ANO4: variants seen among roughly 807,000 people sequenced by gnomAD.
ANO4 encodes anoctamin 4, also known as anoctamin-4.
Under a neutral mutation model 141.9 loss-of-function variants are expected in ANO4, and 69 were observed. The observed-to-expected ratio is 0.49, with a 90% CI of 0.40 to 0.59. ANO4 has a LOEUF of 0.59. ANO4 is among the 20% of genes least tolerant of loss of function. The pLI is 0.00. For missense variants in ANO4, 894 were observed against 1,162.2 expected (o/e 0.77, Z 3.36); for synonymous variants, 350 against 394.3 (o/e 0.89, Z 1.33).
At chr12:100,883,767 T>C (rs1177810684) in intron 1 of ANO4, among the ~76,000 whole-genome samples, 3 of 152,230 alleles carry the variant, frequency 2.0e-5, no homozygotes, top group Non-Finnish European at 4.4e-5. Flanking sequence ...GGAAGCAATG[T>C]TGACAAAACA....
upstream of ANO4, chr12:100,794,743 A>C (rs1294148780): frequency 6.6e-6 from 1 of 152,100 alleles, no homozygotes; most frequent in Non-Finnish European, 1.5e-5. Flanking sequence ...CCTGGGCGTG[A>C]TGCTCTGAGA....
At chr12:101,066,441 C>T (rs1167639947) in intron 14 of ANO4, among the ~76,000 whole-genome samples, 1 of 152,200 alleles carries the variant, frequency 6.6e-6, no homozygotes, top group Non-Finnish European at 1.5e-5. Context: ...ATACAAAAAT[C>T]AGTAGCATTT....
intron 1 of ANO4, among the ~76,000 whole-genome samples, chr12:100,872,899 C>T (rs574221532): frequency 6.6e-6 from 1 of 152,226 alleles, no homozygotes; most frequent in Non-Finnish European, 1.5e-5. Context: ...GGAGGAGGGG[C>T]CTAGTGGGAG....
intron 1 of ANO4, among the ~76,000 whole-genome samples, chr12:100,811,429 G>A (rs1431037713): frequency 6.6e-6 from 1 of 152,166 alleles, no homozygotes; most frequent in African/African-American, 2.4e-5. Flanking sequence ...ATCAGGTGAT[G>A]TTATATAATG....
rs556586604 is a variant in ANO4, at chr12:101,020,231, G to A, written c.841+91G>A. On this transcript the variant is annotated intron_variant, in intron 9 of 27. Transcript: ENST00000392977. Reference sequence around the variant, plus strand: ...TTTTATTAAGTTTGTATCAATTCTAGCAATGCTTGTCACTTATAAAACCCC... The same window carrying A: ...TTTTATTAAGTTTGTATCAATTCTAACAATGCTTGTCACTTATAAAACCCC... 14 of 859,318 alleles carry A rather than the reference G, an allele frequency of 1.6e-5. No individual in the cohort carries two copies. The African/African-American group carries it at 2.1e-4, about 13-fold the overall frequency. The allele number at this position is 859,318 out of a possible 1,614,324, so 53.2% of individuals were successfully genotyped here.
chr12:100,997,603 G>C (rs532584276), intron 8 of ANO4, among the ~76,000 whole-genome samples: 49 of 152,208 alleles, frequency 3.2e-4, no homozygotes, highest in Admixed American at 2.9e-3. Context: ...GGAAAAAGTA[G>C]GCTCAGATTT....
At chr12:101,084,255 C>G (rs114003993) in intron 16 of ANO4, among the ~76,000 whole-genome samples, 1 of 152,142 alleles carries the variant, frequency 6.6e-6, no homozygotes, top group African/African-American at 2.4e-5. Context: ...GTAAGTAAAA[C>G]AGTGCTCACC....
intron 1 of ANO4, chr12:100,885,370 T>G (rs967706788): frequency 6.6e-6 from 1 of 152,274 alleles, no homozygotes; most frequent in African/African-American, 2.4e-5. Flanking sequence ...CAGCTTCTTG[T>G]GTCCTGACAC....
intron 3 of ANO4, among the ~76,000 whole-genome samples, chr12:100,781,794 A>G (rs2033719274): frequency 6.6e-6 from 1 of 152,246 alleles, no homozygotes; most frequent in African/African-American, 2.4e-5. Context: ...TTAATTAATG[A>G]TGTTTAATTT....
At chr12:101,061,639 A>G (rs1265331138) in intron 14 of ANO4, among the ~76,000 whole-genome samples, 1 of 151,362 alleles carries the variant, frequency 6.6e-6, no homozygotes, top group Non-Finnish European at 1.5e-5. Flanking sequence ...GTTGATCTTC[A>G]GTCTCTGATA....
chr12:100,735,336 T>A (rs2031559186), intron 2 of ANO4, among the ~76,000 whole-genome samples: 1 of 152,192 alleles, frequency 6.6e-6, no homozygotes, highest in Admixed American at 6.5e-5. Context: ...ACAAAGATAG[T>A]TTAAAAATTC....
intron 1 of ANO4, among the ~76,000 whole-genome samples, chr12:100,894,965 CAAAA>C (rs764468746): frequency 1.9e-5 from 2 of 102,618 alleles, no homozygotes; most frequent in Admixed American, 1.1e-4. Flanking sequence ...GACTCCATCT[CAAAA>C]AAAAAAAAAA....
At chr12:100,718,858 A>C (rs2030731506) in intron 1 of ANO4, among the ~76,000 whole-genome samples, 1 of 152,330 alleles carries the variant, frequency 6.6e-6, no homozygotes, top group East Asian at 1.9e-4. Flanking sequence ...CATTTTAGGC[A>C]TATTCATTGG....
At chr12:100,797,122 A>ATGTG (rs746327406) in intron 1 of ANO4, among the ~76,000 whole-genome samples, 1 of 125,520 alleles carries the variant, frequency 8.0e-6, no homozygotes, top group Non-Finnish European at 1.8e-5. Flanking sequence ...GTTTATATAT[A>ATGTG]TGTGTGTGTA....
At chr12:100,820,626 A>C (rs1365455141) in intron 1 of ANO4, among the ~76,000 whole-genome samples, 1 of 151,992 alleles carries the variant, frequency 6.6e-6, no homozygotes, top group South Asian at 2.1e-4. Flanking sequence ...CTCTACTGCT[A>C]TGTCAGTTAA....
At chr12:100,912,464 A>G (rs1313512591) in intron 2 of ANO4, among the ~76,000 whole-genome samples, 5 of 150,462 alleles carry the variant, frequency 3.3e-5, no homozygotes, top group African/African-American at 1.2e-4. Context: ...AATCCGGGAG[A>G]CAGAGGTGGC....
chr12:100,939,597 TCCCCC>T, intron 4 of ANO4, 146 bp downstream of exon 4: 3 of 851,914 alleles, frequency 3.5e-6, no homozygotes, highest in Non-Finnish European at 5.0e-6. Flanking sequence ...TCCTTTGACA[TCCCCC>T]ATGTCTAAGC....
intron 7 of ANO4, among the ~76,000 whole-genome samples, chr12:100,985,594 A>G (rs1291300846): frequency 6.6e-6 from 1 of 152,184 alleles, no homozygotes; most frequent in Non-Finnish European, 1.5e-5. Flanking sequence ...CCACTGTGTC[A>G]TGCTGCTTCT....
At chr12:100,819,953 C>A (rs530050643) in intron 1 of ANO4, among the ~76,000 whole-genome samples, 1 of 151,876 alleles carries the variant, frequency 6.6e-6, no homozygotes, top group South Asian at 2.1e-4. Context: ...TTGTTGGGGC[C>A]GTGTCTTATT....
Sources: allele counts gnomAD v4.1 joint callset (sites outside exome capture counted in the v4.1 genomes callset), GRCh38; gene constraint gnomAD v4.1.1; transcripts MANE v1.5; gene names NCBI Gene and HGNC (gene_info 2026-07-23, HGNC 2026-07-21).